NSFL1C: variants seen among roughly 807,000 people sequenced by gnomAD.
The protein encoded by NSFL1C is NSFL1 cofactor p47.
In NSFL1C, 14 loss-of-function variants were observed where a neutral mutation model predicts 43.1. The ratio of observed to expected loss-of-function variants is 0.32; its 90% CI spans 0.21 to 0.51. NSFL1C has a LOEUF of 0.51. Among genes scored for constraint, NSFL1C ranks in the 20% least tolerant of loss-of-function variants. The pLI is 0.98. For synonymous variants in NSFL1C, 171 were observed against 183.5 expected (o/e 0.93, Z 0.55); for missense variants, 406 against 472.5 (o/e 0.86, Z 1.30).
intron 3 of NSFL1C, chr20:1,456,210 C>G (rs1424161287): frequency 1.3e-5 from 2 of 159,290 alleles, no homozygotes; most frequent in African/African-American, 4.8e-5. Flanking sequence ...GTCTGAAATG[C>G]TGAGGGGTCA....
chr20:1,455,580 G>A (rs375958030), intron 3 of NSFL1C: 21 of 753,278 alleles, frequency 2.8e-5, no homozygotes, highest in East Asian at 1.5e-4. Flanking sequence ...TGGTGGCACT[G>A]GCATGGTTAG....
intron 4 of NSFL1C, 78 bp from the exon 5 acceptor site, chr20:1,454,383 T>G: frequency 1.0e-6 from 1 of 1,001,062 alleles, no homozygotes; most frequent in Non-Finnish European, 1.6e-6. Context: ...GATATATATA[T>G]CTTAGGTAAG....
At chr20:1,454,137 A>G (rs1463315011) in intron 5 of NSFL1C, 76 bp downstream of exon 5, 9 of 1,162,600 alleles carry the variant, frequency 7.7e-6, no homozygotes, top group African/African-American at 6.0e-5. Flanking sequence ...GTTAATGCAC[A>G]ATATGTAACC....
intron 7 of NSFL1C, among the ~76,000 whole-genome samples, chr20:1,451,244 A>T (rs1397221681): frequency 3.9e-5 from 6 of 152,210 alleles, no homozygotes; most frequent in Non-Finnish European, 2.9e-5. Context: ...GGCCAGGTAA[A>T]TCTAATACCC....
rs191399044 is a variant in NSFL1C at position 1,445,950 on chromosome 20, A to G, written c.786-120T>C. 1,193 of 1,095,054 alleles carry G rather than the reference A, an allele frequency of 1.1e-3. 1 individual carries two copies. Among genetic ancestry groups the G allele is most frequent in the Non-Finnish European group, 1.5e-3 (1,090 of 750,716 alleles). The allele number at this position is 1,095,054 out of a possible 1,614,324, so 67.8% of individuals were successfully genotyped here. ...CGCCTGGCATTGTTTGGTGCTGCTGATCTATTGACCCAGACAGGGAAAATC... is the reference window on the plus strand; with the variant it reads ...CGCCTGGCATTGTTTGGTGCTGCTGGTCTATTGACCCAGACAGGGAAAATC... On this transcript the variant is annotated intron_variant, in intron 7 of 8. Transcript: ENST00000216879.
At chr20:1,457,543 A>C (rs1722124863) in intron 3 of NSFL1C, among the ~76,000 whole-genome samples, 1 of 152,166 alleles carries the variant, frequency 6.6e-6, no homozygotes, top group African/African-American at 2.4e-5. Context: ...AAAAGCCCCA[A>C]ACCATATTCC....
Position 1,445,840 on chromosome 20 carries a change from G to A in NSFL1C, c.786-10C>T. ...CACCTGGGGGGCAGTGCTGAGGAGA[G>A]AGGATGGCATCAGAACACAAGCAGA... On this transcript the variant is annotated splice_polypyrimidine_tract_variant and intron_variant, in intron 7 of 8. Coordinates refer to ENST00000216879, the MANE Select transcript of NSFL1C (RefSeq NM_016143.5). 1.2e-6 allele frequency: 2 copies of A among 1,613,606 alleles called. No homozygotes were observed. The highest frequency in any genetic ancestry group is 1.7e-6 in the Non-Finnish European group (2 of 1,179,816).
intron 4 of NSFL1C, 135 bp from the exon 5 acceptor site, chr20:1,454,440 A>G (rs111739386): frequency 1.6e-5 from 10 of 637,926 alleles, no homozygotes; most frequent in African/African-American, 9.1e-5. Context: ...TAGCTACTAG[A>G]TGCACTTTCT....
chr20:1,464,476 A>C, intron 1 of NSFL1C, 50 bp from the exon 2 acceptor site: 1 of 1,440,822 alleles, frequency 6.9e-7, no homozygotes, highest in East Asian at 2.3e-5. Context: ...CCTTCACCTA[A>C]CGCACATCTC....
chr20:1,445,580 G>A, intron 8 of NSFL1C, 86 bp downstream of exon 8: 3 of 1,473,706 alleles, frequency 2.0e-6, no homozygotes, highest in South Asian at 2.5e-5. Context: ...GTATTTAGGA[G>A]GAAGAACGGC....
rs374066502 is a variant in NSFL1C at position 1,445,694 on chromosome 20, G to C, written c.922C>G (p.Leu308Val). Residue 308 changes from leucine (L) to valine (V), a missense_variant, in exon 8 of 9, where the codon CTG becomes GTG. By Grantham distance (32) the Leu-to-Val change is conservative. This residue lies in a region of NSFL1C where 196 missense variants were observed against 228.0 expected (regional missense o/e 0.86). Transcript: ENST00000216879. Reference sequence around the variant, plus strand: ...TGGCTGTGGTTAAATTTCTGCACCAGCCTCCCGCCGTCTGCAAGCCGAATT... The same window carrying C: ...TGGCTGTGGTTAAATTTCTGCACCACCCTCCCGCCGTCTGCAAGCCGAATT... ...IQIRLADGGR[L>V]VQKFNHSHRI... 4.3e-6 allele frequency: 7 copies of C among 1,613,210 alleles called. No individual in the cohort carries two copies. The highest frequency in any genetic ancestry group is 5.1e-6 in the Non-Finnish European group (6 of 1,179,972).
rs1001434135 is a variant in NSFL1C, at chr20:1,466,756, G to A, written c.69C>T (p.Ala23=). Residue 23 remains alanine, a synonymous_variant, in exon 1 of 9, where the codon GCC becomes GCT. Coordinates refer to ENST00000216879, the MANE Select transcript of NSFL1C (RefSeq NM_016143.5). Reference sequence around the variant, plus strand: ...AGCCGGCCGACTCGAGAAAGAAGCGGGCCCGGTCCTCCTCGGCGCCCGTCA... The same window carrying A: ...AGCCGGCCGACTCGAGAAAGAAGCGAGCCCGGTCCTCCTCGGCGCCCGTCA... ...VAVTGAEEDR[A]RFFLESAGWD... is the part of the protein sequence containing the mutation. 2 of 1,564,354 alleles carry A rather than the reference G, an allele frequency of 1.3e-6. No homozygotes were observed. The highest frequency in any genetic ancestry group is 1.2e-5 in the South Asian group (1 of 85,796).
chr20:1,459,370 G>C (rs573160771), intron 2 of NSFL1C, among the ~76,000 whole-genome samples: 1 of 152,204 alleles, frequency 6.6e-6, no homozygotes, highest in South Asian at 2.1e-4. Flanking sequence ...CTTCCCCTTC[G>C]CCTTCTACCA....
chr20:1,466,605 G>A (rs1491001151), intron 1 of NSFL1C, 115 bp downstream of exon 1: 2 of 1,010,562 alleles, frequency 2.0e-6, no homozygotes, highest in African/African-American at 1.7e-5. Flanking sequence ...GGCCTGGGTC[G>A]GGCCGCGGTA....
chr20:1,458,103 T>A (rs2090338791), intron 3 of NSFL1C, 97 bp downstream of exon 3: 1 of 995,852 alleles, frequency 1.0e-6, no homozygotes, highest in African/African-American at 1.6e-5. Context: ...TGGCTAACAA[T>A]AACCAAACAT....
intron 7 of NSFL1C, among the ~76,000 whole-genome samples, chr20:1,450,527 G>C (rs1014878651): frequency 6.6e-6 from 1 of 152,116 alleles, no homozygotes; most frequent in African/African-American, 2.4e-5. Flanking sequence ...AATTTTCTGA[G>C]ATGCAGAGTT....
At position 1,454,823 on chromosome 20, in the gene NSFL1C, T is replaced by C. The variant is rs965879715; in HGVS notation, c.444+144A>G. 6 of 865,074 alleles carry C rather than the reference T, an allele frequency of 6.9e-6. No homozygotes were observed. In the African/African-American group the frequency reaches 8.4e-5, roughly 12 times the overall value. The allele number at this position is 865,074 out of a possible 1,614,324, so 53.6% of individuals were successfully genotyped here. ...CTTGGTTTCACGTTAAAGGGTGAGA[T>C]AAACTACACTCGTGTTCCGCACAGA... On this transcript the variant is annotated intron_variant, in intron 4 of 8. Coordinates refer to ENST00000216879, the MANE Select transcript of NSFL1C (RefSeq NM_016143.5).
At chr20:1,463,462 G>C (rs1568631204) in intron 2 of NSFL1C, 3 of 152,242 alleles carry the variant, frequency 2.0e-5, no homozygotes. Flanking sequence ...GTTAGGGAAA[G>C]AAGAAAGCAA....
Position 1,454,274 on chromosome 20 carries a change from G to A in NSFL1C, c.476C>T (p.Ala159Val). The change falls in exon 5 of 9, where the codon GCA becomes GTA. Residue 159 changes from alanine to valine, a missense_variant. Coordinates refer to ENST00000216879, the MANE Select transcript of NSFL1C (RefSeq NM_016143.5). Reference sequence around the variant, plus strand: ...ATAGGCAGACTCTTCCTCTGGTGCTGCCCCAAGGCGGTAGCCACCTCCTGC... The same window carrying A: ...ATAGGCAGACTCTTCCTCTGGTGCTACCCCAAGGCGGTAGCCACCTCCTGC... ...PFAGGGYRLG[A>V]APEEESAYVA... 6.2e-7 allele frequency: 1 copy of A among 1,612,636 alleles called. No homozygotes were observed. The highest frequency in any genetic ancestry group is 8.5e-7 in the Non-Finnish European group (1 of 1,180,000).
Sources: gnomAD v4.1 joint callset for allele counts (sites outside exome capture counted in the v4.1 genomes callset) on GRCh38, gnomAD v4.1.1 for gene constraint, gnomAD v4.1.1 regional missense constraint, MANE v1.5 for transcripts, NCBI Gene and HGNC (gene_info 2026-07-23, HGNC 2026-07-21) for gene names.